Variants in ZBTB16 observed in about 807,000 individuals in gnomAD.
The protein encoded by ZBTB16 is zinc finger and BTB domain containing 16, also known as zinc finger and BTB domain-containing protein 16.
Under a neutral mutation model 56.8 loss-of-function variants are expected in ZBTB16, and 8 were observed. That is an observed-to-expected ratio of 0.14 (90% CI 0.08 to 0.25). The LOEUF (loss-of-function observed/expected upper bound fraction) is 0.25. Among genes scored for constraint, ZBTB16 ranks in the 10% least tolerant of loss-of-function variants. The pLI, the probability that ZBTB16 is intolerant of heterozygous loss-of-function variation, is 1.00. For synonymous variants in ZBTB16, 363 were observed against 368.5 expected, an observed-to-expected ratio of 0.98 and a Z score of 0.17; for missense variants, 625 against 903.0, an observed-to-expected ratio of 0.69 and a Z score of 3.95.
At chr11:114,061,337 C>T (rs1367852525) in intron 1 of ZBTB16, 6 of 152,176 alleles carry the variant, frequency 3.9e-5, no homozygotes, top group Non-Finnish European at 8.8e-5. Context: ...TTTCAGGGCG[C>T]CAAGCTTCCA....
chr11:114,217,411 A>C lies in ZBTB16; in HGVS notation c.1454-24756A>C, dbSNP rs147289627. 1.5e-3 allele frequency among the ~76,000 whole-genome samples: 230 copies of C among 152,284 alleles called. No individual in the cohort carries two copies. In the Middle Eastern group the frequency reaches 0.017, roughly 11 times the overall value. On this transcript the variant is annotated intron_variant, in intron 4 of 6. Coordinates refer to ENST00000335953, the MANE Select transcript of ZBTB16 (RefSeq NM_006006.6). ...GCTTACATGATAGAAAATGAGCTGG[A>C]TTGGGGTATCTCAATCCTAATGTCA...
chr11:114,079,110 AAAAGAAG>A (rs1459455279), intron 2 of ZBTB16, among the ~76,000 whole-genome samples: 1 of 150,624 alleles, frequency 6.6e-6, no homozygotes, highest in Middle Eastern at 3.4e-3. Flanking sequence ...TAAAAAAAAA[AAAAGAAG>A]AAGAAGAAGA....
chr11:114,092,600 T>A (rs765651199), intron 2 of ZBTB16, among the ~76,000 whole-genome samples: 5 of 152,218 alleles, frequency 3.3e-5, no homozygotes, highest in Non-Finnish European at 7.3e-5. Flanking sequence ...GTGGGGCCTT[T>A]GTTCCTTGTA....
intron 4 of ZBTB16, chr11:114,189,737 G>A (rs1943447114): frequency 6.7e-6 from 1 of 149,346 alleles, no homozygotes; most frequent in Non-Finnish European, 1.5e-5. Flanking sequence ...CTGCACTCCA[G>A]CCTGGCGTCA....
intron 2 of ZBTB16, among the ~76,000 whole-genome samples, chr11:114,098,148 T>G (rs1940484818): frequency 6.6e-6 from 1 of 152,166 alleles, no homozygotes; most frequent in African/African-American, 2.4e-5. Flanking sequence ...ACATGAAAAT[T>G]TAAAGACCCA....
intron 4 of ZBTB16, among the ~76,000 whole-genome samples, chr11:114,234,574 A>G (rs1944523241): frequency 6.6e-6 from 1 of 152,218 alleles, no homozygotes; most frequent in African/African-American, 2.4e-5. Context: ...CTCATGCCCA[A>G]GAGGAAAACC....
At chr11:114,200,060 G>A (rs1168573879) in intron 4 of ZBTB16, among the ~76,000 whole-genome samples, 13 of 151,374 alleles carry the variant, frequency 8.6e-5, no homozygotes, top group Non-Finnish European at 1.6e-4. Flanking sequence ...CCCGGGAGGC[G>A]GAGCTTGCAG....
At chr11:114,114,791 T>C (rs1355591637) in intron 2 of ZBTB16, among the ~76,000 whole-genome samples, 1 of 151,966 alleles carries the variant, frequency 6.6e-6, no homozygotes, top group Non-Finnish European at 1.5e-5. Context: ...GCGATCCTCC[T>C]ATGTCAGCCT....
At position 114,185,233 on chromosome 11, in the gene ZBTB16, G is replaced by A. The variant is rs1235295780; in HGVS notation, c.1367-1719G>A. On this transcript the variant is annotated intron_variant, in intron 3 of 6. Transcript: ENST00000335953. Reference sequence around the variant, plus strand: ...CAAAAACAATGACAACAACAACAAAGCGCTAAGACGTGTTGAAAGGAACAG... The same window carrying A: ...CAAAAACAATGACAACAACAACAAAACGCTAAGACGTGTTGAAAGGAACAG... 3.3e-5 allele frequency among the ~76,000 whole-genome samples: 5 copies of A among 152,044 alleles called. No homozygotes were observed. The East Asian group carries it at 7.7e-4, about 24-fold the overall frequency.
intron 5 of ZBTB16, among the ~76,000 whole-genome samples, chr11:114,245,635 G>A (rs947512496): frequency 1.5e-4 from 23 of 152,308 alleles, no homozygotes; most frequent in African/African-American, 5.3e-4. Context: ...TGAAGGCACA[G>A]GCATGCGAGT....
intron 4 of ZBTB16, among the ~76,000 whole-genome samples, chr11:114,208,672 C>T (rs1386974999): frequency 6.6e-6 from 1 of 152,178 alleles, no homozygotes; most frequent in Non-Finnish European, 1.5e-5. Flanking sequence ...GGGCCCTTTT[C>T]TTCCGTTGGC....
At chr11:114,247,462 C>T (rs1944837858) in intron 6 of ZBTB16, 97 bp downstream of exon 6, 1 of 1,528,918 alleles carries the variant, frequency 6.5e-7, no homozygotes. Flanking sequence ...AGGATGATCC[C>T]AGGCTGAATC....
intron 6 of ZBTB16, among the ~76,000 whole-genome samples, chr11:114,249,730 A>AGTCC (rs1944883480): frequency 7.7e-6 from 1 of 129,132 alleles, no homozygotes; most frequent in East Asian, 2.4e-4. Context: ...GCGCCACTGC[A>AGTCC]GTCCGCAGTC....
intron 2 of ZBTB16, among the ~76,000 whole-genome samples, chr11:114,100,966 G>A (rs1057407134): frequency 6.6e-6 from 1 of 151,894 alleles, no homozygotes; most frequent in Admixed American, 6.6e-5. Flanking sequence ...GGGGGTCCCC[G>A]GGGGGTTCAT....
intron 2 of ZBTB16, among the ~76,000 whole-genome samples, chr11:114,078,162 GCC>G (rs1342042114): frequency 6.6e-6 from 1 of 152,166 alleles, no homozygotes; most frequent in Non-Finnish European, 1.5e-5. Flanking sequence ...TCAGCTTCCT[GCC>G]CTCACCTACT....
chr11:114,106,472 C>G (rs1202653579), intron 2 of ZBTB16, among the ~76,000 whole-genome samples: 1 of 139,658 alleles, frequency 7.2e-6, no homozygotes, highest in Non-Finnish European at 1.6e-5. Context: ...TCACGATCTT[C>G]TTTTTTTTTT....
intron 4 of ZBTB16, among the ~76,000 whole-genome samples, chr11:114,219,555 T>A (rs907479434): frequency 6.6e-6 from 1 of 152,016 alleles, no homozygotes; most frequent in Non-Finnish European, 1.5e-5. Flanking sequence ...TCATTCTTAC[T>A]GCAAAATCGA....
chr11:114,199,261 T>C (rs1943677274), intron 4 of ZBTB16, among the ~76,000 whole-genome samples: 1 of 147,506 alleles, frequency 6.8e-6, no homozygotes, highest in South Asian at 2.2e-4. Context: ...ATGCCGGACA[T>C]GGATGCCGCT....
chr11:114,233,073 GCGCGCGCGCA>G (rs1285308000), intron 4 of ZBTB16, among the ~76,000 whole-genome samples: 110 of 74,608 alleles, frequency 1.5e-3, no homozygotes, highest in African/African-American at 5.4e-3. Context: ...GCATGCGCGC[GCGCGCGCGCA>G]CACACACACA....
Sources: allele counts gnomAD v4.1 joint callset (sites outside exome capture counted in the v4.1 genomes callset), GRCh38; gene constraint gnomAD v4.1.1; transcripts MANE v1.5; gene names NCBI Gene and HGNC (gene_info 2026-07-23, HGNC 2026-07-21).